Variants in GPSM2 observed in about 807,000 individuals in gnomAD.
The protein encoded by GPSM2 is G protein signaling modulator 2, also known as G protein-signaling modulator 2.
A neutral mutation model predicts 78.4 loss-of-function variants in GPSM2; 58 were observed. That is an observed-to-expected ratio of 0.74 (90% CI 0.60 to 0.92). The LOEUF is 0.92. GPSM2 is among the 40% of genes least tolerant of loss of function. GPSM2 has a pLI of 0.00. For synonymous variants in GPSM2, 224 were observed against 280.2 expected, an observed-to-expected ratio of 0.80 and a Z score of 2.00; for missense variants, 700 against 815.5, an observed-to-expected ratio of 0.86 and a Z score of 1.73.
chr1:108,912,919 G>A (rs1649873806), intron 10 of GPSM2, among the ~76,000 whole-genome samples: 1 of 141,738 alleles, frequency 7.1e-6, no homozygotes, highest in South Asian at 2.5e-4. Context: ...CACGGGGCGG[G>A]GGGCAAAAGT....
intron 7 of GPSM2, 21 bp downstream of exon 7, chr1:108,899,015 G>T (rs1451211185): frequency 7.6e-7 from 1 of 1,313,296 alleles, no homozygotes; most frequent in Non-Finnish European, 1.1e-6. Context: ...TATTTCTGTA[G>T]ATAAATGTAA....
intron 2 of GPSM2, among the ~76,000 whole-genome samples, chr1:108,891,473 A>T (rs1462467152): frequency 6.6e-6 from 1 of 152,076 alleles, no homozygotes; most frequent in African/African-American, 2.4e-5. Context: ...CTTCTGTAGC[A>T]ATACCTATCT....
In GPSM2 at chr1:108,901,957, G is replaced by T; in HGVS notation, c.953+12G>T. The T allele has an allele frequency of 6.3e-7, 1 of 1,587,602 alleles. No individual in the cohort carries two copies. The highest frequency in any genetic ancestry group is 1.3e-5 in the African/African-American group (1 of 74,556). ...GAGCTGAATGATAGGTATGTTTTAC[G>T]TCTTTTTACCATAACTAAGGTAAAA... On this transcript the variant is annotated intron_variant, in intron 8 of 14. Coordinates refer to ENST00000264126, the MANE Select transcript of GPSM2 (RefSeq NM_013296.5).
chr1:108,917,299 G>A (rs1054236405), intron 11 of GPSM2, among the ~76,000 whole-genome samples: 7 of 151,970 alleles, frequency 4.6e-5, no homozygotes, highest in Non-Finnish European at 1.0e-4. Context: ...CGGGCGCAGT[G>A]GCTCACGCCT....
chr1:108,904,811 T>C (rs528105041), intron 10 of GPSM2, among the ~76,000 whole-genome samples: 16 of 152,192 alleles, frequency 1.1e-4, no homozygotes, highest in African/African-American at 3.9e-4. Flanking sequence ...GGTGCCGATT[T>C]GTTTGACATT....
intron 1 of GPSM2, among the ~76,000 whole-genome samples, chr1:108,881,309 G>GTGGAGGT (rs1233744725): frequency 6.6e-6 from 1 of 152,196 alleles, no homozygotes; most frequent in Non-Finnish European, 1.5e-5. Flanking sequence ...GTAAATAGTA[G>GTGGAGGT]TGGAGGTTGG....
Position 108,931,316 on chromosome 1 carries a change from T to C in GPSM2, c.*1376T>C, listed in dbSNP as rs72984640. On this transcript the variant is annotated 3_prime_UTR_variant, in exon 15 of 15. Coordinates refer to ENST00000264126, the MANE Select transcript of GPSM2 (RefSeq NM_013296.5). ...AGCTTTGTCTTCCTTATCCCAGATATTGAAGGCAGTTTACAAGGGGATGAT... is the reference window on the plus strand; with the variant it reads ...AGCTTTGTCTTCCTTATCCCAGATACTGAAGGCAGTTTACAAGGGGATGAT... 918 of 1,546,996 alleles carry C rather than the reference T, an allele frequency of 5.9e-4. 8 individuals are homozygous for C. In the African/African-American group the frequency reaches 0.011, roughly 19 times the overall value.
At chr1:108,927,787 T>C (rs1557882540) in intron 14 of GPSM2, among the ~76,000 whole-genome samples, 1 of 152,082 alleles carries the variant, frequency 6.6e-6, no homozygotes, top group Admixed American at 6.6e-5. Flanking sequence ...CTGGGCAGCA[T>C]AGTGAGACCC....
intron 13 of GPSM2, among the ~76,000 whole-genome samples, chr1:108,923,012 AT>A (rs1241478672): frequency 6.6e-6 from 1 of 152,180 alleles, no homozygotes; most frequent in African/African-American, 2.4e-5. Context: ...TGTCTAAAAA[AT>A]ATATAAAAAT....
chr1:108,880,509 C>T (rs1004018319), intron 1 of GPSM2, among the ~76,000 whole-genome samples: 6 of 150,800 alleles, frequency 4.0e-5, no homozygotes, highest in Admixed American at 4.0e-4. Context: ...GAACCCAGGA[C>T]GTGGAGGTTA....
chr1:108,919,197 G>A (rs938097444), intron 12 of GPSM2, among the ~76,000 whole-genome samples: 16 of 152,020 alleles, frequency 1.1e-4, no homozygotes, highest in East Asian at 3.9e-4. Context: ...CAGTAGAGAC[G>A]GGGTTTCACC....
intron 10 of GPSM2, among the ~76,000 whole-genome samples, chr1:108,906,178 C>T (rs776072466): frequency 6.6e-6 from 1 of 152,176 alleles, no homozygotes; most frequent in Non-Finnish European, 1.5e-5. Context: ...TCACCATTCA[C>T]TCAACTAATC....
intron 1 of GPSM2, chr1:108,877,571 G>T (rs1665695262): frequency 1.3e-5 from 2 of 151,224 alleles, no homozygotes; most frequent in South Asian, 4.2e-4. Flanking sequence ...TTACCACTCT[G>T]AATGTGAGTA....
chr1:108,914,360 C>T lies in GPSM2; in HGVS notation c.1215C>T (p.Arg405=), dbSNP rs777237654. The change falls in exon 11 of 15, where the codon CGC becomes CGT. Residue 405 remains arginine (R), a synonymous_variant. Coordinates refer to ENST00000264126, the MANE Select transcript of GPSM2 (RefSeq NM_013296.5). Reference sequence around the variant, plus strand: ...AAGGTGTACGCCCCAAGTTGGGACGCCGGCATAGTATGGAAAATATGGAAC... The same window carrying T: ...AAGGTGTACGCCCCAAGTTGGGACGTCGGCATAGTATGGAAAATATGGAAC... ...SLNGVRPKLG[R]RHSMENMELM... is the part of the protein sequence containing the mutation. The T allele has an allele frequency of 1.2e-6, 2 of 1,612,312 alleles. No homozygotes were observed. The highest frequency in any genetic ancestry group is 1.1e-5 in the South Asian group (1 of 90,984).
intron 12 of GPSM2, among the ~76,000 whole-genome samples, chr1:108,919,920 C>T (rs760824915): frequency 6.6e-6 from 1 of 152,132 alleles, no homozygotes; most frequent in Non-Finnish European, 1.5e-5. Flanking sequence ...AATCCCAGCA[C>T]TTTGGGAGGC....
chr1:108,925,418 T>C (rs1179669911), intron 14 of GPSM2, among the ~76,000 whole-genome samples: 1 of 151,360 alleles, frequency 6.6e-6, no homozygotes, highest in Non-Finnish European at 1.5e-5. Flanking sequence ...ACCTAAAGAA[T>C]AGGACAGGAA....
chr1:108,914,389 T>C lies in GPSM2; in HGVS notation c.1244T>C (p.Met415Thr), dbSNP rs150152015. The change falls in exon 11 of 15, where the codon ATG becomes ACG. Residue 415 changes from methionine (M) to threonine (T), a missense_variant. By Grantham distance (81) the Met-to-Thr change is moderately conservative (BLOSUM62 -1). Coordinates refer to ENST00000264126, the MANE Select transcript of GPSM2 (RefSeq NM_013296.5). ...RRHSMENMEL[M>T]KLTPEKVQNW... ...CATAGTATGGAAAATATGGAACTTATGAAGTTAACACCAGAAAAGGTGGGT... is the reference window on the plus strand; with the variant it reads ...CATAGTATGGAAAATATGGAACTTACGAAGTTAACACCAGAAAAGGTGGGT... 20 of 1,610,674 alleles carry C rather than the reference T, an allele frequency of 1.2e-5. No individual in the cohort carries two copies. Among genetic ancestry groups the C allele is most frequent in the African/African-American group, 6.7e-5 (5 of 74,866 alleles).
At chr1:108,890,795 C>T (rs1044673491) in intron 2 of GPSM2, among the ~76,000 whole-genome samples, 1 of 152,026 alleles carries the variant, frequency 6.6e-6, no homozygotes, top group Non-Finnish European at 1.5e-5. Context: ...ACTAAGTAAC[C>T]TCCTAAGGGG....
chr1:108,928,983 C>T (rs968464242), intron 14 of GPSM2, among the ~76,000 whole-genome samples: 6 of 136,540 alleles, frequency 4.4e-5, no homozygotes, highest in Admixed American at 1.5e-4. Context: ...AGCGAGAATC[C>T]GTCTCAAAAA....
Sources: gnomAD v4.1 joint callset for allele counts (sites outside exome capture counted in the v4.1 genomes callset) on GRCh38, gnomAD v4.1.1 for gene constraint, MANE v1.5 for transcripts, NCBI Gene and HGNC (gene_info 2026-07-23, HGNC 2026-07-21) for gene names.